SMAD9: variants seen among roughly 807,000 people sequenced by gnomAD.
The protein encoded by SMAD9 is SMAD family member 9.
In SMAD9, 36 loss-of-function variants were observed where a neutral mutation model predicts 46.1. The observed-to-expected ratio is 0.78, with a 90% CI of 0.60 to 1.03. The LOEUF (loss-of-function observed/expected upper bound fraction) is 1.03, where lower values mean the gene tolerates loss of function less well. Ranked by LOEUF, SMAD9 falls within the 50% of genes least tolerant of loss-of-function variation. The pLI is 0.00. For synonymous variants in SMAD9, 245 were observed against 237.1 expected (o/e 1.03, Z -0.31); for missense variants, 572 against 599.8 (o/e 0.95, Z 0.48).
chr13:36,848,912 C>T (rs2058053553), intron 6 of SMAD9, 93 bp from the exon 7 acceptor site: 2 of 1,268,304 alleles, frequency 1.6e-6, no homozygotes, highest in Non-Finnish European at 2.2e-6. Context: ...AGAGCCCACA[C>T]CCCAGCGTAG....
intron 1 of SMAD9, among the ~76,000 whole-genome samples, chr13:36,907,272 G>C (rs1229279246): frequency 6.6e-6 from 1 of 151,630 alleles, no homozygotes; most frequent in Non-Finnish European, 1.5e-5. Context: ...AAATGGTACA[G>C]AGTTTCAGTT....
chr13:36,852,065 T>C (rs975842316), intron 6 of SMAD9: 2 of 970,986 alleles, frequency 2.1e-6, no homozygotes, highest in African/African-American at 3.5e-5. Flanking sequence ...TTAATATAAC[T>C]TTATAATATA....
At chr13:36,889,115 AT>A (rs2058470693) in intron 1 of SMAD9, among the ~76,000 whole-genome samples, 1 of 152,200 alleles carries the variant, frequency 6.6e-6, no homozygotes, top group South Asian at 2.1e-4. Flanking sequence ...AAGAAATATC[AT>A]AATTGAATTT....
At chr13:36,887,335 G>GC in intron 1 of SMAD9, among the ~76,000 whole-genome samples, 1 of 146,428 alleles carries the variant, frequency 6.8e-6, no homozygotes, top group Non-Finnish European at 1.5e-5. Context: ...TGATGCTCCT[G>GC]CCTCAGTGTC....
At chr13:36,912,386 A>C (rs747895971) in intron 1 of SMAD9, among the ~76,000 whole-genome samples, 3 of 152,198 alleles carry the variant, frequency 2.0e-5, no homozygotes, top group Non-Finnish European at 4.4e-5. Flanking sequence ...CTACCCTAGC[A>C]GCTGAATATT....
rs1012854892 is a variant in SMAD9, at chr13:36,893,340, T to C, written c.-186-13465A>G. ...TTTGTGTATATGTCCTACTGGATCA[T>C]AGTTTTTTTAAAAAAATTGAAAGCC... On this transcript the variant is annotated intron_variant, in intron 1 of 6. Transcript: ENST00000379826. Among the ~76,000 whole-genome samples, 4 of 151,070 alleles carry C rather than the reference T, an allele frequency of 2.6e-5. 1 individual carries two copies. In the East Asian group the frequency reaches 7.7e-4, roughly 29 times the overall value.
At position 36,896,505 on chromosome 13, in the gene SMAD9, C is replaced by T. The variant is rs144231126; in HGVS notation, c.-186-16630G>A. On this transcript the variant is annotated intron_variant, in intron 1 of 6. Coordinates refer to ENST00000379826, the MANE Select transcript of SMAD9 (RefSeq NM_001127217.3). ...TCTTCTTGATCTCCCTCCAGACCTC[C>T]CAAATCTCTTCTACAAATTGCCAGA... Among the ~76,000 whole-genome samples the T allele has an allele frequency of 7.2e-5, 11 of 152,230 alleles. No homozygotes were observed. The East Asian group carries it at 1.9e-3, about 27-fold the overall frequency.
intron 1 of SMAD9, among the ~76,000 whole-genome samples, chr13:36,907,423 C>T (rs1160609683): frequency 1.3e-5 from 2 of 152,172 alleles, no homozygotes; most frequent in Non-Finnish European, 2.9e-5. Context: ...GATCCCAGGG[C>T]TTTGGGAGGC....
intron 1 of SMAD9, among the ~76,000 whole-genome samples, chr13:36,898,147 T>C (rs1371272653): frequency 6.6e-6 from 1 of 152,050 alleles, no homozygotes; most frequent in African/African-American, 2.4e-5. Context: ...AGTGAGCCAC[T>C]GCACCCGGCC....
chr13:36,867,324 G>T lies in SMAD9; in HGVS notation c.730C>A (p.Pro244Thr), dbSNP rs957299638. 7.1e-6 allele frequency: 11 copies of T among 1,551,180 alleles called. No individual in the cohort carries two copies. In the East Asian group the frequency reaches 7.3e-5, roughly 10 times the overall value. ...TEASETQSGQPVDATADRHVV... is the reference protein window; with the variant it reads ...TEASETQSGQTVDATADRHVV... ...TGTCTATCAGCTGTGGCATCTACAG[G>T]TTGGCCACTCTGGGTCTCAGAGGCT... Residue 244 changes from proline to threonine, a missense_variant, in exon 4 of 7, where the codon CCT becomes ACT. Transcript: ENST00000379826.
intron 1 of SMAD9, among the ~76,000 whole-genome samples, chr13:36,887,571 G>A (rs78143826): frequency 0.046 from 6,966 of 152,078 alleles, 460 homozygotes; most frequent in African/African-American, 0.15. Context: ...ATGGAGAACA[G>A]ATCAGATGGG....
At chr13:36,900,710 CACACACACACACACACAT>C (rs1232089132) in intron 1 of SMAD9, among the ~76,000 whole-genome samples, 1 of 151,402 alleles carries the variant, frequency 6.6e-6, no homozygotes, top group Non-Finnish European at 1.5e-5. Flanking sequence ...CACACACACA[CACACACACACACACACAT>C]AAATGTAAAT....
intron 2 of SMAD9, among the ~76,000 whole-genome samples, chr13:36,876,045 C>T (rs960739224): frequency 6.6e-6 from 1 of 152,180 alleles, no homozygotes; most frequent in African/African-American, 2.4e-5. Context: ...ACTCACAACA[C>T]AGCTATCCCT....
rs78725776 is a variant in SMAD9, at chr13:36,868,576, C to G, written c.671-1193G>C. On this transcript the variant is annotated intron_variant, in intron 3 of 6. Coordinates refer to ENST00000379826, the MANE Select transcript of SMAD9 (RefSeq NM_001127217.3). Reference sequence around the variant, plus strand: ...GCAACATGATGAGACCCCATCCTACCAAAAATTAAAAATTAGCTGGGCATG... The same window carrying G: ...GCAACATGATGAGACCCCATCCTACGAAAAATTAAAAATTAGCTGGGCATG... Among the ~76,000 whole-genome samples the G allele has an allele frequency of 8.7e-4, 133 of 152,046 alleles. 1 individual carries two copies. The East Asian group carries it at 0.024, about 28-fold the overall frequency.
chr13:36,852,588 T>C, intron 6 of SMAD9: 1 of 983,552 alleles, frequency 1.0e-6, no homozygotes, highest in Non-Finnish European at 1.2e-6. Flanking sequence ...TCTGAATTAA[T>C]CACACCCGTT....
chr13:36,863,353 C>G (rs933899800), intron 5 of SMAD9, among the ~76,000 whole-genome samples: 1 of 152,178 alleles, frequency 6.6e-6, no homozygotes, highest in South Asian at 2.1e-4. Flanking sequence ...AAAACTGTAA[C>G]TTTGTCTTCG....
At chr13:36,849,055 G>A (rs1772822416) in intron 6 of SMAD9, among the ~76,000 whole-genome samples, 1 of 152,190 alleles carries the variant, frequency 6.6e-6, no homozygotes, top group South Asian at 2.1e-4. Flanking sequence ...TGAATACTCG[G>A]ATCTAGAGAG....
Position 36,879,298 on chromosome 13 carries a change from T to C in SMAD9, c.392A>G (p.Tyr131Cys), listed in dbSNP as rs569499054. 2.0e-5 allele frequency: 33 copies of C among 1,613,922 alleles called. No homozygotes were observed. Among genetic ancestry groups the C allele is most frequent in the Non-Finnish European group, 2.7e-5 (32 of 1,179,930 alleles). ...QKEVCINPYHYRRVETPVLPP... is the reference protein window; with the variant it reads ...QKEVCINPYHCRRVETPVLPP... ...CCCACCTGGAGTCTCCACCCGGCGG[T>C]AGTGGTAAGGGTTAATGCACACTTC... Residue 131 changes from tyrosine to cysteine, a missense_variant, in exon 2 of 7, where the codon TAC (tyrosine) becomes TGC (cysteine). Coordinates refer to ENST00000379826, the MANE Select transcript of SMAD9 (RefSeq NM_001127217.3).
rs2058381274 is a variant in SMAD9, at chr13:36,879,474, G to C, written c.216C>G (p.Pro72=). The stretch of plus-strand genomic sequence containing the variant: ...CCTGCAGCCGCCCGTCCAGGGAGCG[G>C]GGAATCGTGACGCATTTGCTGGGCT... ...PGQPSKCVTI[P]RSLDGRLQVS... Residue 72 remains proline (P), a synonymous_variant, in exon 2 of 7, where the codon CCC becomes CCG. Coordinates refer to ENST00000379826, the MANE Select transcript of SMAD9 (RefSeq NM_001127217.3). 1 of 1,613,768 alleles carries C rather than the reference G, an allele frequency of 6.2e-7. No homozygotes were observed. Among genetic ancestry groups the C allele is most frequent in the African/African-American group, 1.3e-5 (1 of 74,958 alleles).
Sources: allele counts gnomAD v4.1 joint callset (sites outside exome capture counted in the v4.1 genomes callset), GRCh38; gene constraint gnomAD v4.1.1; transcripts MANE v1.5; gene names NCBI Gene and HGNC (gene_info 2026-07-23, HGNC 2026-07-21).